TMEM168: variants seen among roughly 807,000 people sequenced by gnomAD.
The protein encoded by TMEM168 is transmembrane protein 168.
Under a neutral mutation model 53.2 loss-of-function variants are expected in TMEM168, and 40 were observed. The observed-to-expected ratio is 0.75, with a 90% CI of 0.58 to 0.98. The LOEUF is 0.98. Ranked by LOEUF, TMEM168 falls within the 50% of genes least tolerant of loss-of-function variation. The pLI, the probability that TMEM168 is intolerant of heterozygous loss-of-function variation, is 0.00. For missense variants in TMEM168, 771 were observed against 828.8 expected (o/e 0.93, Z 0.86); for synonymous variants, 282 against 293.0 (o/e 0.96, Z 0.38).
In TMEM168 at chr7:112,767,474, G is replaced by A. The variant is rs1312693419; in HGVS notation, c.1817C>T (p.Thr606Ile). ...NCNSSNNICW[T>I]EKGRTVKAVY... ...TGCTTTCACTGTGCGTCCCTTTTCA[G>A]TCCAGCAGATGTTATTACTGGAGTT... The change falls in exon 5 of 5, where the codon ACT (threonine) becomes ATT (isoleucine). Residue 606 changes from threonine to isoleucine, a missense_variant. Thr to Ile is a moderately conservative substitution (Grantham distance 89). Coordinates refer to ENST00000312814, the MANE Select transcript of TMEM168 (RefSeq NM_022484.6). 1 of 1,614,138 alleles carries A rather than the reference G, an allele frequency of 6.2e-7. No homozygotes were observed. Among genetic ancestry groups the A allele is most frequent in the Non-Finnish European group, 8.5e-7 (1 of 1,180,022 alleles).
rs1792710644 is a variant in TMEM168 at position 112,763,865 on chromosome 7, A to T, written c.*3332T>A. The T allele has an allele frequency of 6.6e-6, 1 of 152,126 alleles. No homozygotes were observed. The allele number at this position is 152,126 out of a possible 1,614,324, so 9.4% of individuals were successfully genotyped here. A position where few individuals can be genotyped will look rare whatever the true frequency, so the allele number is the denominator to read the frequency against. ...TTTTAATTAAGACTTTAATTTTTTT[A>T]AAGCATAACTGGTCATAAGAATAAT... On this transcript the variant is annotated 3_prime_UTR_variant, in exon 5 of 5. Coordinates refer to ENST00000312814, the MANE Select transcript of TMEM168 (RefSeq NM_022484.6).
chr7:112,772,942 G>C lies in TMEM168; in HGVS notation c.1385C>G (p.Thr462Ser). The change falls in exon 4 of 5, where the codon ACC becomes AGC. Residue 462 changes from threonine to serine, a missense_variant. By Grantham distance (58) the Thr-to-Ser change is moderately conservative. Transcript: ENST00000312814. ...ACTTGTGGAATAGTCACATCCATAG[G>C]TCTCAATCATATGATATGCAAAAAA... Reference protein sequence around the residue: ...QRFFAYHMIETYGCDYSTSGL... With the variant: ...QRFFAYHMIESYGCDYSTSGL... 6.2e-7 allele frequency: 1 copy of C among 1,614,032 alleles called. No homozygotes were observed. Among genetic ancestry groups the C allele is most frequent in the Non-Finnish European group, 8.5e-7 (1 of 1,179,970 alleles).
rs775165981 is a variant in TMEM168, at chr7:112,773,007, TAACTCCTG to T, written c.1312_1319del (p.Gln438LysfsTer21). Reference sequence around the variant, plus strand: ...TGAGCATGCCAGTAGACCTCAAATTTAACTCCTGTACATGTTCTGGGGGAAGCAGTGTT... The same window carrying T: ...TGAGCATGCCAGTAGACCTCAAATTTTACATGTTCTGGGGGAAGCAGTGTT... On this transcript the variant is annotated frameshift_variant, in exon 4 of 5. Transcript: ENST00000312814. LOFTEE classifies it high-confidence loss of function. 19 of 1,613,612 alleles carry T rather than the reference TAACTCCTG, an allele frequency of 1.2e-5. No individual in the cohort carries two copies. The highest frequency in any genetic ancestry group is 1.6e-5 in the Non-Finnish European group (19 of 1,179,594).
chr7:112,784,372 T>C lies in TMEM168; in HGVS notation c.454A>G (p.Thr152Ala), dbSNP rs1793317693. The change falls in exon 2 of 5, where the codon ACT becomes GCT. Residue 152 changes from threonine to alanine, a missense_variant. By Grantham distance (58) the Thr-to-Ala change is moderately conservative. Coordinates refer to ENST00000312814, the MANE Select transcript of TMEM168 (RefSeq NM_022484.6). ...AGAAATTCAACTGTGGTTAGTAAAG[T>C]GGGCCGATGACGGACATAACCAGAA... ...RISGYVRHRP[T>A]LLTTVEFLEL... is the part of the protein sequence containing the mutation. 24 of 1,614,152 alleles carry C rather than the reference T, an allele frequency of 1.5e-5. No homozygotes were observed. Among genetic ancestry groups the C allele is most frequent in the Non-Finnish European group, 1.9e-5 (23 of 1,180,006 alleles).
At chr7:112,771,150 T>C (rs1024211437) in intron 4 of TMEM168, among the ~76,000 whole-genome samples, 5 of 152,212 alleles carry the variant, frequency 3.3e-5, no homozygotes. Context: ...CTATATTCAA[T>C]TAGTTTTAAT....
chr7:112,775,392 TCA>T (rs1345492174), intron 2 of TMEM168, 74 bp from the exon 3 acceptor site: 2 of 1,285,706 alleles, frequency 1.6e-6, no homozygotes, highest in African/African-American at 3.0e-5. Context: ...GCACATTGAT[TCA>T]CATTTTTTAG....
intron 2 of TMEM168, 123 bp downstream of exon 2, chr7:112,783,575 A>G (rs1793287015): frequency 9.6e-7 from 1 of 1,045,376 alleles, no homozygotes; most frequent in South Asian, 2.9e-5. Context: ...CATGAACAAA[A>G]TTAAGAGCAA....
chr7:112,771,863 A>G lies in TMEM168; in HGVS notation c.1546+918T>C, dbSNP rs183624223. 1.4e-4 allele frequency among the ~76,000 whole-genome samples: 22 copies of G among 152,114 alleles called. No individual in the cohort carries two copies. In the East Asian group the frequency reaches 3.7e-3, roughly 25 times the overall value. ...AACATCTACACTTTTATGGAAAAAAAAATCATGTAATTAAATCTAAAATAA... is the reference window on the plus strand; with the variant it reads ...AACATCTACACTTTTATGGAAAAAAGAATCATGTAATTAAATCTAAAATAA... On this transcript the variant is annotated intron_variant, in intron 4 of 4. Coordinates refer to ENST00000312814, the MANE Select transcript of TMEM168 (RefSeq NM_022484.6).
Position 112,767,331 on chromosome 7 carries a change from C to G in TMEM168, c.1960G>C (p.Ala654Pro), listed in dbSNP as rs201711580. Residue 654 changes from alanine to proline, a missense_variant, in exon 5 of 5, where the codon GCA becomes CCA. Transcript: ENST00000312814. The part of the protein sequence containing the change: ...PRITYPLVHL[A>P]NWLCGLNLFW... Reference sequence around the variant, plus strand: ...AGGTTCAGACCGCATAACCAATTTGCCAAATGCACTAGGGGATATGTAATA... The same window carrying G: ...AGGTTCAGACCGCATAACCAATTTGGCAAATGCACTAGGGGATATGTAATA... 6.2e-7 allele frequency: 1 copy of G among 1,614,120 alleles called. No homozygotes were observed. The highest frequency in any genetic ancestry group is 2.2e-5 in the East Asian group (1 of 44,876).
At chr7:112,789,825 C>T (rs1169957765) in intron 1 of TMEM168, among the ~76,000 whole-genome samples, 1 of 152,248 alleles carries the variant, frequency 6.6e-6, no homozygotes, top group African/African-American at 2.4e-5. Flanking sequence ...AACTCCTCAG[C>T]ACTAGAGCAG....
chr7:112,783,961 G>T lies in TMEM168; in HGVS notation c.865C>A (p.His289Asn). The change falls in exon 2 of 5, where the codon CAC becomes AAC. Residue 289 changes from histidine to asparagine, a missense_variant. Physicochemically the swap from His to Asn is moderately conservative, Grantham distance 68 (BLOSUM62 1). Transcript: ENST00000312814. ...CCAGGTATTACAAAATACCAGAGGT[G>T]AGTGTCTCTAAGTTTGAATGCGGAA... Reference protein sequence around the residue: ...ILSAFKLRDTHLWYFVIPGFS... With the variant: ...ILSAFKLRDTNLWYFVIPGFS... The T allele has an allele frequency of 6.2e-7, 1 of 1,612,192 alleles. No homozygotes were observed. Among genetic ancestry groups the T allele is most frequent in the Non-Finnish European group, 8.5e-7 (1 of 1,179,682 alleles).
chr7:112,785,971 G>C (rs1793370318), intron 1 of TMEM168, among the ~76,000 whole-genome samples: 3 of 152,164 alleles, frequency 2.0e-5, no homozygotes, highest in Admixed American at 2.0e-4. Flanking sequence ...ACTTTGGGAG[G>C]GTGAGGAAGG....
At position 112,765,293 on chromosome 7, in the gene TMEM168, A is replaced by AAAT. The variant is rs1335235877; in HGVS notation, c.*1901_*1903dup. 1 of 152,180 alleles carries AAAT rather than the reference A, an allele frequency of 6.6e-6. No homozygotes were observed. Among genetic ancestry groups the AAAT allele is most frequent in the Non-Finnish European group, 1.5e-5 (1 of 68,026 alleles). 9.4% of individuals were successfully genotyped at this position (152,180 alleles called of 1,614,324 possible). ...CCATTTTTGGTTTTACTTTCACAGG[A>AAAT]AATACATATGAAAAAGTTAGGTTTG... On this transcript the variant is annotated 3_prime_UTR_variant, in exon 5 of 5. Transcript: ENST00000312814.
At chr7:112,785,045 G>T in intron 1 of TMEM168, 92 bp from the exon 2 acceptor site, 1 of 365,614 alleles carries the variant, frequency 2.7e-6, no homozygotes. Context: ...AAAAAATCCA[G>T]TTTAAAAACT....
chr7:112,768,499 C>A (rs567428540), intron 4 of TMEM168, among the ~76,000 whole-genome samples: 52 of 152,072 alleles, frequency 3.4e-4, no homozygotes, highest in Non-Finnish European at 6.6e-4. Flanking sequence ...AACAGATTTA[C>A]ATTTAAATCA....
At position 112,767,564 on chromosome 7, in the gene TMEM168, T is replaced by C; in HGVS notation, c.1727A>G (p.Asp576Gly). The change falls in exon 5 of 5, where the codon GAT (aspartate) becomes GGT (glycine). Residue 576 changes from aspartate (D) to glycine (G), a missense_variant. By Grantham distance (94) the Asp-to-Gly change is moderately conservative (BLOSUM62 -1). Coordinates refer to ENST00000312814, the MANE Select transcript of TMEM168 (RefSeq NM_022484.6). The stretch of plus-strand genomic sequence containing the variant: ...CTGTGGCGGGTCAGCTTCTTCAATA[T>C]CTACTGTTTTTATCAACTCTGCTCC... The part of the protein sequence containing the change: ...VQGAELIKTV[D>G]IEEADPPQLG... 1 of 1,614,164 alleles carries C rather than the reference T, an allele frequency of 6.2e-7. No homozygotes were observed. The highest frequency in any genetic ancestry group is 8.5e-7 in the Non-Finnish European group (1 of 1,180,014).
chr7:112,783,653 T>C (rs1430971231), intron 2 of TMEM168, 45 bp downstream of exon 2: 1 of 1,393,566 alleles, frequency 7.2e-7, no homozygotes, highest in Non-Finnish European at 9.4e-7. Context: ...GAAGCTAGCA[T>C]TTTATTACAC....
At chr7:112,787,293 C>T (rs1426270037) in intron 1 of TMEM168, among the ~76,000 whole-genome samples, 1 of 152,040 alleles carries the variant, frequency 6.6e-6, no homozygotes, top group Non-Finnish European at 1.5e-5. Flanking sequence ...TTTCCCACCA[C>T]ACAACTGCTC....
intron 1 of TMEM168, 88 bp from the exon 2 acceptor site, chr7:112,785,041 T>C: frequency 2.6e-6 from 1 of 379,872 alleles, no homozygotes; most frequent in Non-Finnish European, 4.5e-6. Flanking sequence ...AGTGAAAAAA[T>C]CCAGTTTAAA....
Sources: gnomAD v4.1 joint callset for allele counts (sites outside exome capture counted in the v4.1 genomes callset) on GRCh38, gnomAD v4.1.1 for gene constraint, MANE v1.5 for transcripts, NCBI Gene and HGNC (gene_info 2026-07-23, HGNC 2026-07-21) for gene names.